Variants in RANBP2 observed in about 807,000 individuals in gnomAD.
RANBP2 encodes the protein E3 SUMO-protein ligase RanBP2.
A neutral mutation model predicts 303.6 loss-of-function variants in RANBP2; 57 were observed. The ratio of observed to expected loss-of-function variants is 0.19; its 90% confidence interval spans 0.15 to 0.23. RANBP2 has a LOEUF of 0.23. RANBP2 is among the 10% of genes least tolerant of loss of function. RANBP2 has a pLI of 1.00. For missense variants in RANBP2, 3,138 were observed against 3,780.8 expected, an observed-to-expected ratio of 0.83 and a Z score of 4.46; for synonymous variants, 1,167 against 1,301.5, an observed-to-expected ratio of 0.90 and a Z score of 2.23.
chr2:109,041,012 C>T, the RANBP2 span, among the ~76,000 whole-genome samples: 6 of 151,276 alleles, frequency 4.0e-5, no homozygotes, highest in African/African-American at 1.2e-4. Context: ...GCGGAGATTG[C>T]GCCACTGCAC....
At chr2:109,442,110 GA>G in the RANBP2 span, among the ~76,000 whole-genome samples, 1,917 of 152,240 alleles carry the variant, frequency 0.013, 43 homozygotes, top group African/African-American at 0.043. Context: ...AGGAGATTGA[GA>G]CCATCCTGGC....
At chr2:109,464,525 C>G in the RANBP2 span, among the ~76,000 whole-genome samples, 1 of 152,200 alleles carries the variant, frequency 6.6e-6, no homozygotes, top group Non-Finnish European at 1.5e-5. Context: ...CATACATAGC[C>G]TTGCATACAT....
chr2:109,188,568 A>G, the RANBP2 span, among the ~76,000 whole-genome samples: 1 of 152,154 alleles, frequency 6.6e-6, no homozygotes. Context: ...CTGCATCCCT[A>G]TGGAGGGGCA....
At chr2:109,005,976 A>T in the RANBP2 span, among the ~76,000 whole-genome samples, 88 of 152,258 alleles carry the variant, frequency 5.8e-4, no homozygotes, top group South Asian at 0.012. Context: ...GAGGAAGCAC[A>T]GAGGTCACAT....
At chr2:109,336,229 A>G in the RANBP2 span, among the ~76,000 whole-genome samples, 3 of 152,242 alleles carry the variant, frequency 2.0e-5, no homozygotes, top group African/African-American at 7.2e-5. Context: ...ATTCTCCCTC[A>G]CTGGGGAAGA....
chr2:109,462,302 A>AAG, the RANBP2 span, among the ~76,000 whole-genome samples: 2 of 151,870 alleles, frequency 1.3e-5, no homozygotes, highest in Non-Finnish European at 2.9e-5. Context: ...TGCTGAAAGC[A>AAG]AACTGCTTCA....
At chr2:108,943,704 T>G in the RANBP2 span, among the ~76,000 whole-genome samples, 2 of 152,248 alleles carry the variant, frequency 1.3e-5, no homozygotes, top group African/African-American at 4.8e-5. Flanking sequence ...TCTTGGCTCT[T>G]TCTTGGTGGC....
chr2:109,732,547 C>T, the RANBP2 span, among the ~76,000 whole-genome samples: 5 of 124,238 alleles, frequency 4.0e-5, no homozygotes, highest in Non-Finnish European at 5.3e-5. Context: ...GGTGTAGTCT[C>T]GGCTTACTGC....
chr2:109,467,138 C>T, the RANBP2 span, among the ~76,000 whole-genome samples: 1 of 152,236 alleles, frequency 6.6e-6, no homozygotes, highest in Non-Finnish European at 1.5e-5. Context: ...AGCCATTCCA[C>T]TCCTAGGAGA....
At chr2:108,741,660 C>A (rs1249500349) in intron 7 of RANBP2, among the ~76,000 whole-genome samples, 1 of 151,320 alleles carries the variant, frequency 6.6e-6, no homozygotes, top group Non-Finnish European at 1.5e-5. Context: ...CACCTGCCAG[C>A]ATGCCCAGCT....
the RANBP2 span, among the ~76,000 whole-genome samples, chr2:108,950,961 G>C: frequency 6.6e-6 from 1 of 152,172 alleles, no homozygotes; most frequent in Non-Finnish European, 1.5e-5. Flanking sequence ...CTGCCAGTTG[G>C]GGGACTCAGC....
rs747396737 is a variant in RANBP2 at position 108,764,127 on chromosome 2, C to T, written c.3588C>T (p.Cys1196=). Residue 1196 remains cysteine (C), a synonymous_variant, in exon 20 of 29, where the codon TGC becomes TGT. Transcript: ENST00000283195. ...TGEEDEEEFF[C]NRAKLFRFDV... is the part of the protein sequence containing the mutation. ...AGGAAGATGAAGAAGAATTCTTTTG[C>T]AACCGCGCGAAATTGTTTCGTTTCG... The T allele has an allele frequency of 4.3e-6, 7 of 1,614,034 alleles. No individual in the cohort carries two copies. The highest frequency in any genetic ancestry group is 4.5e-5 in the East Asian group (2 of 44,884).
chr2:109,153,790 C>G, the RANBP2 span, among the ~76,000 whole-genome samples: 1 of 152,226 alleles, frequency 6.6e-6, no homozygotes, highest in Non-Finnish European at 1.5e-5. Flanking sequence ...CCCCGACCCC[C>G]GATGCCACCA....
intron 12 of RANBP2, among the ~76,000 whole-genome samples, chr2:108,752,761 C>A (rs1483891811): frequency 1.3e-5 from 2 of 151,708 alleles, no homozygotes; most frequent in Non-Finnish European, 2.9e-5. Flanking sequence ...CCACTGCACT[C>A]CAGCCTGGGC....
the RANBP2 span, among the ~76,000 whole-genome samples, chr2:109,628,011 G>A: frequency 2.0e-5 from 3 of 150,628 alleles, no homozygotes; most frequent in South Asian, 6.2e-4. Context: ...GTGCGTATCT[G>A]TGTCTTTGAT....
chr2:109,445,194 G>A, the RANBP2 span, among the ~76,000 whole-genome samples: 1 of 152,196 alleles, frequency 6.6e-6, no homozygotes, highest in Non-Finnish European at 1.5e-5. Flanking sequence ...AGGATAGATT[G>A]AGGAGCTCCA....
At chr2:109,490,016 G>T in the RANBP2 span, among the ~76,000 whole-genome samples, 1 of 152,164 alleles carries the variant, frequency 6.6e-6, no homozygotes, top group Non-Finnish European at 1.5e-5. Context: ...GAGATTACAG[G>T]CATGAGCCAC....
chr2:109,207,480 T>C, the RANBP2 span, among the ~76,000 whole-genome samples: 6 of 152,254 alleles, frequency 3.9e-5, no homozygotes, highest in Non-Finnish European at 5.9e-5. Flanking sequence ...AATAATGTTA[T>C]GCAGCAGAAC....
At chr2:109,113,174 G>T in the RANBP2 span, among the ~76,000 whole-genome samples, 2 of 152,080 alleles carry the variant, frequency 1.3e-5, no homozygotes, top group African/African-American at 4.8e-5. Flanking sequence ...TGTGAAGAAA[G>T]TCATTGGTAG....
Sources: gnomAD v4.1 joint callset for allele counts (sites outside exome capture counted in the v4.1 genomes callset) on GRCh38, gnomAD v4.1.1 for gene constraint, MANE v1.5 for transcripts, NCBI Gene and HGNC (gene_info 2026-07-23, HGNC 2026-07-21) for gene names.